GAB2: variants seen among roughly 807,000 people sequenced by gnomAD.
The protein encoded by GAB2 is GRB2-associated-binding protein 2.
A neutral mutation model predicts 65.5 loss-of-function variants in GAB2; 26 were observed. The observed-to-expected ratio is 0.40, with a 90% CI of 0.29 to 0.55. GAB2 has a LOEUF of 0.55. Ranked by LOEUF, GAB2 falls within the 20% of genes least tolerant of loss-of-function variation. The pLI, the probability that GAB2 is intolerant of heterozygous loss-of-function variation, is 0.53. For synonymous variants in GAB2, 321 were observed against 329.6 expected, an observed-to-expected ratio of 0.97 and a Z score of 0.28; for missense variants, 884 against 875.8, an observed-to-expected ratio of 1.01 and a Z score of -0.12.
intron 1 of GAB2, among the ~76,000 whole-genome samples, chr11:78,412,394 G>A (rs941790969): frequency 1.3e-5 from 2 of 152,084 alleles, no homozygotes; most frequent in Admixed American, 1.3e-4. Context: ...GAATTATGCT[G>A]AATAAAAAAA....
At chr11:78,389,004 T>G (rs1357162655) in intron 1 of GAB2, among the ~76,000 whole-genome samples, 1 of 152,074 alleles carries the variant, frequency 6.6e-6, no homozygotes, top group African/African-American at 2.4e-5. Flanking sequence ...AGGATGTCAA[T>G]AGAATTCAAA....
intron 1 of GAB2, among the ~76,000 whole-genome samples, chr11:78,391,288 C>A (rs1040543961): frequency 1.3e-5 from 2 of 152,036 alleles, no homozygotes; most frequent in Admixed American, 6.6e-5. Flanking sequence ...GAGACCCTGT[C>A]TCTAAATTAA....
At position 78,226,696 on chromosome 11, in the gene GAB2, T is replaced by A. The variant is rs561641037; in HGVS notation, c.976A>T (p.Ile326Phe). 36 of 1,613,958 alleles carry A rather than the reference T, an allele frequency of 2.2e-5. 1 individual carries two copies. The highest frequency in any genetic ancestry group is 2.2e-4 in the East Asian group (10 of 44,886). Residue 326 changes from isoleucine to phenylalanine, a missense_variant, in exon 4 of 10, where the codon ATC becomes TTC. Transcript: ENST00000361507. ...VPATPLSAYQ[I>F]PRTFTLDKNH... is the part of the protein sequence containing the mutation. Reference sequence around the variant, plus strand: ...TTGTCCAGAGTGAATGTCCTAGGGATCTGGTAGGCTGAGAGTGGGGTGGCC... The same window carrying A: ...TTGTCCAGAGTGAATGTCCTAGGGAACTGGTAGGCTGAGAGTGGGGTGGCC...
chr11:78,225,161 C>G lies in GAB2; in HGVS notation c.1249G>C (p.Glu417Gln), dbSNP rs201763131. The stretch of plus-strand genomic sequence containing the variant: ...GATTCAGCAGACCGGCCTGCACTCT[C>G]TCCACCACGCTGTGGGTACTCGTAG... Reference protein sequence around the residue: ...ETYEYPQRGGESAGRSAESMS... With the variant: ...ETYEYPQRGGQSAGRSAESMS... Residue 417 changes from glutamate to glutamine, a missense_variant, in exon 5 of 10, where the codon GAG becomes CAG. Transcript: ENST00000361507. 1 of 1,613,732 alleles carries G rather than the reference C, an allele frequency of 6.2e-7. No individual in the cohort carries two copies. Among genetic ancestry groups the G allele is most frequent in the Non-Finnish European group, 8.5e-7 (1 of 1,179,594 alleles).
chr11:78,321,602 G>C (rs1426481919), intron 1 of GAB2, among the ~76,000 whole-genome samples: 4 of 152,112 alleles, frequency 2.6e-5, no homozygotes, highest in African/African-American at 4.8e-5. Context: ...TATAAACATT[G>C]TACTAGAGGA....
intron 1 of GAB2, among the ~76,000 whole-genome samples, chr11:78,324,459 A>G (rs746769645): frequency 1.8e-4 from 28 of 152,250 alleles, no homozygotes; most frequent in Non-Finnish European, 3.7e-4. Context: ...CCACTCAGAC[A>G]GAAGATTAAG....
intron 1 of GAB2, among the ~76,000 whole-genome samples, chr11:78,301,297 T>C (rs1194888518): frequency 6.6e-6 from 1 of 151,984 alleles, no homozygotes; most frequent in Non-Finnish European, 1.5e-5. Flanking sequence ...AAATAATAAT[T>C]ATACATATTC....
At chr11:78,260,724 G>C (rs1265270702) in intron 2 of GAB2, among the ~76,000 whole-genome samples, 1 of 152,060 alleles carries the variant, frequency 6.6e-6, no homozygotes, top group African/African-American at 2.4e-5. Flanking sequence ...TGCCCGCCTT[G>C]GCCTCCCAAA....
chr11:78,380,185 A>C (rs1026057247), intron 1 of GAB2, among the ~76,000 whole-genome samples: 23 of 151,318 alleles, frequency 1.5e-4, no homozygotes, highest in Admixed American at 1.5e-3. Flanking sequence ...TGGAATATAA[A>C]ATAATTGTGA....
intron 1 of GAB2, chr11:78,318,202 G>A (rs1036664064): frequency 9.2e-5 from 14 of 151,588 alleles, no homozygotes; most frequent in African/African-American, 3.4e-4. Context: ...GGAGGGAGAT[G>A]AGGGATCAGG....
At chr11:78,243,685 A>AG (rs1865210147) in intron 3 of GAB2, among the ~76,000 whole-genome samples, 1 of 132,390 alleles carries the variant, frequency 7.6e-6, no homozygotes, top group African/African-American at 3.9e-5. Flanking sequence ...CTAAAAATAC[A>AG]AAAAAAAAAT....
intron 1 of GAB2, among the ~76,000 whole-genome samples, chr11:78,311,727 A>G (rs1855503237): frequency 6.6e-6 from 1 of 152,174 alleles, no homozygotes; most frequent in South Asian, 2.1e-4. Flanking sequence ...TCTTTCCATA[A>G]ATACATAAGA....
chr11:78,357,607 T>C lies in GAB2; in HGVS notation c.75+60039A>G, dbSNP rs1176613519. On this transcript the variant is annotated intron_variant, in intron 1 of 9. Transcript: ENST00000361507. Reference sequence around the variant, plus strand: ...ACCCCATCAAAAACTGGGCGAAGGATATGAACAGACACTTCTCAAAAGAAG... The same window carrying C: ...ACCCCATCAAAAACTGGGCGAAGGACATGAACAGACACTTCTCAAAAGAAG... Among the ~76,000 whole-genome samples the C allele has an allele frequency of 5.1e-4, 77 of 152,222 alleles. 2 individuals are homozygous for C. The highest frequency in any genetic ancestry group is 1.5e-4 in the Non-Finnish European group (10 of 68,004).
At chr11:78,246,145 TG>T (rs1040525574) in intron 3 of GAB2, among the ~76,000 whole-genome samples, 8 of 152,028 alleles carry the variant, frequency 5.3e-5, no homozygotes, top group African/African-American at 1.9e-4. Context: ...TTGGCCAGGC[TG>T]GTCTCGAACT....
At chr11:78,370,125 C>A (rs568692893) in intron 1 of GAB2, among the ~76,000 whole-genome samples, 8 of 150,138 alleles carry the variant, frequency 5.3e-5, no homozygotes, top group Non-Finnish European at 8.9e-5. Context: ...GGCGTAGTGG[C>A]GGGCGCCTGT....
At chr11:78,270,757 G>A (rs941768684) in intron 2 of GAB2, among the ~76,000 whole-genome samples, 7 of 152,076 alleles carry the variant, frequency 4.6e-5, no homozygotes, top group African/African-American at 1.7e-4. Flanking sequence ...CTATTGCTAC[G>A]ACCACTACAA....
chr11:78,268,115 A>G (rs1271433874), intron 2 of GAB2, among the ~76,000 whole-genome samples: 1 of 152,162 alleles, frequency 6.6e-6, no homozygotes, highest in Non-Finnish European at 1.5e-5. Context: ...TGCAGCTTGT[A>G]TCACTTGACC....
At chr11:78,224,488 C>A (rs1163587582) in intron 5 of GAB2, among the ~76,000 whole-genome samples, 8 of 152,186 alleles carry the variant, frequency 5.3e-5, no homozygotes, top group African/African-American at 1.9e-4. Flanking sequence ...AAGCTGCAGT[C>A]AGAGCTTCTA....
At chr11:78,252,447 A>G (rs1865481393) in intron 2 of GAB2, among the ~76,000 whole-genome samples, 1 of 152,190 alleles carries the variant, frequency 6.6e-6, no homozygotes, top group Non-Finnish European at 1.5e-5. Flanking sequence ...GAGTAGCCAC[A>G]GGGCCATGGA....
Sources: allele counts gnomAD v4.1 joint callset (sites outside exome capture counted in the v4.1 genomes callset), GRCh38; gene constraint gnomAD v4.1.1; transcripts MANE v1.5; gene names NCBI Gene and HGNC (gene_info 2026-07-23, HGNC 2026-07-21).